IFITM5: variants seen among roughly 807,000 people sequenced by gnomAD.
The protein encoded by IFITM5 is interferon-induced transmembrane protein 5.
Under a neutral mutation model 9.2 loss-of-function variants are expected in IFITM5, and 10 were observed. The observed-to-expected ratio is 1.09, with a 90% CI of 0.67 to 1.85. The LOEUF (loss-of-function observed/expected upper bound fraction) is 1.85. Among genes scored for constraint, IFITM5 ranks in the 40% most tolerant of loss-of-function variants. IFITM5 has a pLI of 0.00. For missense variants in IFITM5, 225 were observed against 182.6 expected (o/e 1.23, Z -1.34); for synonymous variants, 93 against 86.6 (o/e 1.07, Z -0.41).
At chr11:299,158 C>T (rs1163084813) in intron 1 of IFITM5, 147 bp downstream of exon 1, 5 of 673,980 alleles carry the variant, frequency 7.4e-6, no homozygotes, top group East Asian at 5.9e-5. Context: ...ATAGCTGTGC[C>T]CACAGAGCCC....
chr11:299,201 A>C (rs1027902922), intron 1 of IFITM5, 104 bp downstream of exon 1: 56 of 575,558 alleles, frequency 9.7e-5, no homozygotes, highest in Non-Finnish European at 1.2e-4. Flanking sequence ...CGCGGCCCCC[A>C]GCACGGCAAG....
At position 298,382 on chromosome 11, in the gene IFITM5, G is replaced by A. The variant is rs1045695312; in HGVS notation, c.*119C>T. The A allele has an allele frequency of 1.5e-5, 16 of 1,096,530 alleles. 1 individual carries two copies. Among genetic ancestry groups the A allele is most frequent in the Middle Eastern group, 3.0e-4 (1 of 3,374 alleles). The allele number at this position is 1,096,530 out of a possible 1,614,324, so 67.9% of individuals were successfully genotyped here. A position where few individuals can be genotyped will look rare whatever the true frequency, so the allele number is the denominator to read the frequency against. On this transcript the variant is annotated 3_prime_UTR_variant, in exon 2 of 2. Coordinates refer to ENST00000382614, the MANE Select transcript of IFITM5 (RefSeq NM_001025295.3). ...TGGAGGGCCCCAGGATCAGGATGGG[G>A]CAGGGATGGAGGCCCCACAGAAGGA...
Position 298,419 on chromosome 11 carries a change from CG to C in IFITM5, c.*81del. The C allele has an allele frequency of 1.4e-6, 2 of 1,448,248 alleles. No individual in the cohort carries two copies. Among genetic ancestry groups the C allele is most frequent in the Non-Finnish European group, 9.4e-7 (1 of 1,064,514 alleles). The allele number at this position is 1,448,248 out of a possible 1,614,324, so 89.7% of individuals were successfully genotyped here. On this transcript the variant is annotated 3_prime_UTR_variant, in exon 2 of 2. Coordinates refer to ENST00000382614, the MANE Select transcript of IFITM5 (RefSeq NM_001025295.3). The stretch of plus-strand genomic sequence containing the variant: ...GCCCCACAGAAGGAGGGCCAGGCTC[CG>C]GGGAGTCAGTATTGGGCCCCAGGGG...
chr11:299,179 A>G, intron 1 of IFITM5, 126 bp downstream of exon 1: 1 of 776,298 alleles, frequency 1.3e-6, no homozygotes, highest in East Asian at 3.0e-5. Flanking sequence ...CTCACGGACA[A>G]GCAGAGCCCC....
chr11:299,183 G>A, intron 1 of IFITM5, 122 bp downstream of exon 1: 1 of 793,736 alleles, frequency 1.3e-6, no homozygotes. Flanking sequence ...CGGACAAGCA[G>A]AGCCCCCCGC....
chr11:299,377 G>A lies in IFITM5; in HGVS notation c.114C>T (p.Ile38=), dbSNP rs1164827668. 6.3e-7 allele frequency: 1 copy of A among 1,594,004 alleles called. No homozygotes were observed. Among genetic ancestry groups the A allele is most frequent in the Admixed American group, 1.7e-5 (1 of 57,690 alleles). The part of the protein sequence containing the change: ...APHPPPRDHL[I]WSVFSTLYLN... ...GGTAGAGGGTGCTGAACACCGACCA[G>A]ATCAAGTGGTCTCGAGGCGGGGGGT... The change falls in exon 1 of 2, where the codon ATC becomes ATT. Residue 38 remains isoleucine, a synonymous_variant. Transcript: ENST00000382614.
Position 298,692 on chromosome 11 carries a change from CA to C in IFITM5, c.207del (p.Gly70ValfsTer36), listed in dbSNP as rs1250641820. On this transcript the variant is annotated frameshift_variant, in exon 2 of 2. Transcript: ENST00000382614. LOFTEE classifies it high-confidence loss of function. ...YSIKARDQKV[V>X]GDLEAARRFG... is the part of the protein sequence containing the mutation. ...AAACGCCGGGCCGCTTCCAGGTCAC[CA>C]ACCACCTTCTGATCTCGGGCCTGCA... is the stretch of plus-strand genomic sequence containing the variant. 3.1e-6 allele frequency: 5 copies of C among 1,613,606 alleles called. No homozygotes were observed. The highest frequency in any genetic ancestry group is 4.2e-6 in the Non-Finnish European group (5 of 1,179,942).
Position 299,350 on chromosome 11 carries a change from C to T in IFITM5, c.141G>A (p.Leu47=). The part of the protein sequence containing the change: ...LIWSVFSTLY[L]NLCCLGFLAL... ...CCAGGAAGCCGAGGCAACACAGATT[C>T]AGGTAGAGGGTGCTGAACACCGACC... Residue 47 remains leucine (L), a synonymous_variant, in exon 1 of 2, where the codon CTG becomes CTA. Coordinates refer to ENST00000382614, the MANE Select transcript of IFITM5 (RefSeq NM_001025295.3). 3.1e-6 allele frequency: 5 copies of T among 1,602,738 alleles called. No individual in the cohort carries two copies. The highest frequency in any genetic ancestry group is 4.3e-6 in the Non-Finnish European group (5 of 1,174,912).
At chr11:299,103 C>G (rs886159581) in intron 1 of IFITM5, among the ~76,000 whole-genome samples, 1 of 151,234 alleles carries the variant, frequency 6.6e-6, no homozygotes, top group Non-Finnish European at 1.5e-5. Context: ...TAAGAAGAGG[C>G]CCCCCGGCCT....
chr11:298,706 T>A lies in IFITM5; in HGVS notation c.194A>T (p.Asp65Val), dbSNP rs1444849360. The A allele has an allele frequency of 1.9e-6, 3 of 1,613,244 alleles. No individual in the cohort carries two copies. Among genetic ancestry groups the A allele is most frequent in the Non-Finnish European group, 2.5e-6 (3 of 1,179,914 alleles). Residue 65 changes from aspartate to valine, a missense_variant, in exon 2 of 2, where the codon GAT becomes GTT. By Grantham distance (152) the Asp-to-Val change is radical (BLOSUM62 -3). Transcript: ENST00000382614. The part of the protein sequence containing the change: ...LALAYSIKAR[D>V]QKVVGDLEAA... ...TTCCAGGTCACCAACCACCTTCTGA[T>A]CTCGGGCCTGCAGAGAGACCAGACC...
Position 298,713 on chromosome 11 carries a change from C to T in IFITM5, c.187G>A (p.Ala63Thr), listed in dbSNP as rs1401131950. 6.2e-7 allele frequency: 1 copy of T among 1,612,896 alleles called. No homozygotes were observed. Among genetic ancestry groups the T allele is most frequent in the African/African-American group, 1.3e-5 (1 of 75,052 alleles). Residue 63 changes from alanine to threonine, a missense_variant and splice_region_variant, in exon 2 of 2, where the codon GCC becomes ACC. Coordinates refer to ENST00000382614, the MANE Select transcript of IFITM5 (RefSeq NM_001025295.3). Reference sequence around the variant, plus strand: ...TCACCAACCACCTTCTGATCTCGGGCCTGCAGAGAGACCAGACCACAGGGC... The same window carrying T: ...TCACCAACCACCTTCTGATCTCGGGTCTGCAGAGAGACCAGACCACAGGGC... ...GFLALAYSIK[A>T]RDQKVVGDLE...
At chr11:299,192 G>A (rs974652853) in intron 1 of IFITM5, 113 bp downstream of exon 1, 14 of 782,048 alleles carry the variant, frequency 1.8e-5, no homozygotes, top group Admixed American at 7.2e-5. Flanking sequence ...AGAGCCCCCC[G>A]CGGCCCCCAG....
Position 299,433 on chromosome 11 carries a change from C to A in IFITM5, c.58G>T (p.Ala20Ser). The change falls in exon 1 of 2, where the codon GCC becomes TCC. Residue 20 changes from alanine (A) to serine (S), a missense_variant. Transcript: ENST00000382614. The part of the protein sequence containing the change: ...TRAPTPSKAG[A>S]HTALTLGAPH... ...GCCCCCAGTGTGAGGGCTGTGTGGG[C>A]ACCGGCCTTGCTGGGCGTGGGGGCC... 2 of 1,542,250 alleles carry A rather than the reference C, an allele frequency of 1.3e-6. No individual in the cohort carries two copies. Among genetic ancestry groups the A allele is most frequent in the Non-Finnish European group, 8.7e-7 (1 of 1,145,190 alleles).
In IFITM5 at chr11:298,489, G is replaced by C. The variant is rs934724582; in HGVS notation, c.*12C>G. Reference sequence around the variant, plus strand: ...GTCCTGGGGCTAGTGCCCCAGATCAGGACCCAGCCTGTCAGTCATAGTCCG... The same window carrying C: ...GTCCTGGGGCTAGTGCCCCAGATCACGACCCAGCCTGTCAGTCATAGTCCG... On this transcript the variant is annotated 3_prime_UTR_variant, in exon 2 of 2. Transcript: ENST00000382614. 2.5e-6 allele frequency: 4 copies of C among 1,607,464 alleles called. No individual in the cohort carries two copies. The highest frequency in any genetic ancestry group is 2.7e-5 in the African/African-American group (2 of 74,834).
rs1451109786 is a variant in IFITM5 at position 298,850 on chromosome 11, A to T, written c.187-137T>A. 7 of 862,728 alleles carry T rather than the reference A, an allele frequency of 8.1e-6. No individual in the cohort carries two copies. The South Asian group carries it at 1.1e-4, about 13-fold the overall frequency. The allele number at this position is 862,728 out of a possible 1,614,324, so 53.4% of individuals were successfully genotyped here. ...GGATGGAGGGGTGTGGCCTGAGGAGATACTCCTTGGGGCCCCAGCTATGGA... is the reference window on the plus strand; with the variant it reads ...GGATGGAGGGGTGTGGCCTGAGGAGTTACTCCTTGGGGCCCCAGCTATGGA... On this transcript the variant is annotated intron_variant, in intron 1 of 1. Transcript: ENST00000382614.
chr11:298,790 G>A, intron 1 of IFITM5, 77 bp from the exon 2 acceptor site: 1 of 1,403,296 alleles, frequency 7.1e-7, no homozygotes, highest in Non-Finnish European at 9.8e-7. Flanking sequence ...CCCACACCCT[G>A]GGCACCTGGA....
chr11:298,606 C>T lies in IFITM5; in HGVS notation c.294G>A (p.Leu98=), dbSNP rs751036510. 6.2e-7 allele frequency: 1 copy of T among 1,613,450 alleles called. No homozygotes were observed. The highest frequency in any genetic ancestry group is 8.5e-7 in the Non-Finnish European group (1 of 1,179,994). ...LAAMWTLVPP[L]LLLGLVVTGA... ...CAGTCACCACCAGCCCCAGGAGCAG[C>T]AGTGGCGGCACCAGCGTCCACATCG... The change falls in exon 2 of 2, where the codon CTG becomes CTA. Residue 98 remains leucine, a synonymous_variant. Transcript: ENST00000382614.
At position 298,698 on chromosome 11, in the gene IFITM5, C is replaced by T; in HGVS notation, c.202G>A (p.Val68Met). ...CGGGCCGCTTCCAGGTCACCAACCA[C>T]CTTCTGATCTCGGGCCTGCAGAGAG... ...AYSIKARDQK[V>M]VGDLEAARRF... Residue 68 changes from valine (V) to methionine (M), a missense_variant, in exon 2 of 2, where the codon GTG (valine) becomes ATG (methionine). Coordinates refer to ENST00000382614, the MANE Select transcript of IFITM5 (RefSeq NM_001025295.3). 1 of 1,613,556 alleles carries T rather than the reference C, an allele frequency of 6.2e-7. No homozygotes were observed. The highest frequency in any genetic ancestry group is 8.5e-7 in the Non-Finnish European group (1 of 1,179,936).
chr11:299,388 C>T lies in IFITM5; in HGVS notation c.103G>A (p.Asp35Asn), dbSNP rs1355773753. 4 of 1,582,328 alleles carry T rather than the reference C, an allele frequency of 2.5e-6. No individual in the cohort carries two copies. The Admixed American group carries it at 7.2e-5, about 28-fold the overall frequency. Residue 35 changes from aspartate (D) to asparagine (N), a missense_variant, in exon 1 of 2, where the codon GAC (aspartate) becomes AAC (asparagine). Transcript: ENST00000382614. ...CTGAACACCGACCAGATCAAGTGGT[C>T]TCGAGGCGGGGGGTGCGGGGCCCCC... ...TLGAPHPPPR[D>N]HLIWSVFSTL...
Sources: allele counts gnomAD v4.1 joint callset (sites outside exome capture counted in the v4.1 genomes callset), GRCh38; gene constraint gnomAD v4.1.1; transcripts MANE v1.5; gene names NCBI Gene and HGNC (gene_info 2026-07-23, HGNC 2026-07-21).